ZNF804A: variants seen among roughly 807,000 people sequenced by gnomAD.
ZNF804A encodes zinc finger protein 804A.
A neutral mutation model predicts 16.5 loss-of-function variants in ZNF804A; 2 were observed. That is an observed-to-expected ratio of 0.12 (90% CI 0.05 to 0.38). The LOEUF (loss-of-function observed/expected upper bound fraction) is 0.38. Among genes scored for constraint, ZNF804A ranks in the 10% least tolerant of loss-of-function variants. The pLI, the probability that ZNF804A is intolerant of heterozygous loss-of-function variation, is 0.99. For missense variants in ZNF804A, 1,473 were observed against 1,390.7 expected (o/e 1.06, Z -0.94); for synonymous variants, 534 against 489.6 (o/e 1.09, Z -1.20).
At chr2:184,711,978 T>C (rs1278133164) in intron 1 of ZNF804A, among the ~76,000 whole-genome samples, 1 of 151,764 alleles carries the variant, frequency 6.6e-6, no homozygotes, top group Admixed American at 6.6e-5. Context: ...AATATTAGTA[T>C]AATTATAATC....
chr2:184,896,062 T>C (rs1023505452), intron 2 of ZNF804A, among the ~76,000 whole-genome samples: 1 of 152,164 alleles, frequency 6.6e-6, no homozygotes, highest in African/African-American at 2.4e-5. Flanking sequence ...CATTGTGTAA[T>C]GTTATTTGCC....
At chr2:184,890,171 A>T (rs1386934553) in intron 2 of ZNF804A, among the ~76,000 whole-genome samples, 1 of 149,620 alleles carries the variant, frequency 6.7e-6, no homozygotes, top group Non-Finnish European at 1.5e-5. Flanking sequence ...TCCTCCACAC[A>T]AGGTTAAAAA....
intron 1 of ZNF804A, among the ~76,000 whole-genome samples, chr2:184,632,650 T>A (rs950784348): frequency 1.3e-5 from 2 of 152,224 alleles, no homozygotes; most frequent in African/African-American, 2.4e-5. Flanking sequence ...AAAGCTGAGA[T>A]TACAGGCGTA....
At chr2:184,845,209 CTTG>C (rs1239963436) in intron 1 of ZNF804A, among the ~76,000 whole-genome samples, 1 of 151,780 alleles carries the variant, frequency 6.6e-6, no homozygotes, top group African/African-American at 2.4e-5. Flanking sequence ...ATGTCTGAGC[CTTG>C]TTATGATGTT....
chr2:184,800,423 C>A (rs1694705714), intron 1 of ZNF804A, among the ~76,000 whole-genome samples: 1 of 151,542 alleles, frequency 6.6e-6, no homozygotes, highest in South Asian at 2.1e-4. Flanking sequence ...TATATACATT[C>A]AATACTATAT....
At chr2:184,634,983 A>G (rs553991449) in intron 1 of ZNF804A, among the ~76,000 whole-genome samples, 2 of 152,310 alleles carry the variant, frequency 1.3e-5, no homozygotes, top group South Asian at 2.1e-4. Flanking sequence ...TAAAAGCTGT[A>G]TAAACACATG....
At position 184,611,364 on chromosome 2, in the gene ZNF804A, T is replaced by C. The variant is rs1436417546; in HGVS notation, c.111+12294T>C. On this transcript the variant is annotated intron_variant, in intron 1 of 3. Transcript: ENST00000302277. ...TGTTTACCCATACCCCAAGAATGTA[T>C]AGAATCTTAAATATGTGCTGAGCCC... Among the ~76,000 whole-genome samples the C allele has an allele frequency of 3.3e-5, 5 of 152,226 alleles. No individual in the cohort carries two copies. The South Asian group carries it at 1.0e-3, about 32-fold the overall frequency.
chr2:184,703,686 G>C (rs7583712), intron 1 of ZNF804A, among the ~76,000 whole-genome samples: 1 of 35,858 alleles, frequency 2.8e-5, no homozygotes, highest in African/African-American at 1.4e-4. Context: ...CAAGACTCCG[G>C]TTCAAAAAAA....
chr2:184,674,746 C>G (rs1692393665), intron 1 of ZNF804A, among the ~76,000 whole-genome samples: 2 of 151,232 alleles, frequency 1.3e-5, no homozygotes. Context: ...GACCAGAATA[C>G]AGGAATACAG....
At chr2:184,815,066 G>A (rs771859659) in intron 1 of ZNF804A, among the ~76,000 whole-genome samples, 33 of 151,894 alleles carry the variant, frequency 2.2e-4, no homozygotes, top group Admixed American at 5.3e-4. Context: ...TAGAAATAAC[G>A]TAAAACGTAC....
intron 1 of ZNF804A, among the ~76,000 whole-genome samples, chr2:184,744,641 T>G (rs1000296514): frequency 6.6e-6 from 1 of 151,986 alleles, no homozygotes; most frequent in South Asian, 2.1e-4. Context: ...ACCCATTTTA[T>G]AGTGTTTTGT....
At chr2:184,893,592 A>G (rs1245802316) in intron 2 of ZNF804A, among the ~76,000 whole-genome samples, 3 of 152,164 alleles carry the variant, frequency 2.0e-5, no homozygotes, top group African/African-American at 4.8e-5. Flanking sequence ...AGATAAGAAA[A>G]TAAAGATATT....
intron 1 of ZNF804A, among the ~76,000 whole-genome samples, chr2:184,674,697 T>TTTCAACTTAAAA (rs1014621919): frequency 9.9e-5 from 15 of 151,736 alleles, no homozygotes; most frequent in African/African-American, 3.1e-4. Context: ...AAAAAGAATG[T>TTTCAACTTAAAA]TGATTCAACT....
Position 184,910,041 on chromosome 2 carries a change from T to C in ZNF804A, c.256-23562T>C, listed in dbSNP as rs551350718. 3.3e-5 allele frequency among the ~76,000 whole-genome samples: 5 copies of C among 152,148 alleles called. No homozygotes were observed. In the East Asian group the frequency reaches 9.6e-4, roughly 29 times the overall value. Reference sequence around the variant, plus strand: ...GATTCAGGGGGTAGATGTATTTAGATTTGTTACATGTATATATTGTTTGAT... The same window carrying C: ...GATTCAGGGGGTAGATGTATTTAGACTTGTTACATGTATATATTGTTTGAT... On this transcript the variant is annotated intron_variant, in intron 2 of 3. Coordinates refer to ENST00000302277, the MANE Select transcript of ZNF804A (RefSeq NM_194250.2).
chr2:184,832,186 G>A (rs1695272821), intron 1 of ZNF804A, among the ~76,000 whole-genome samples: 1 of 151,894 alleles, frequency 6.6e-6, no homozygotes, highest in Non-Finnish European at 1.5e-5. Flanking sequence ...AGCTATCGAA[G>A]GCCTGTAACA....
chr2:184,783,556 C>CT (rs1429702600), intron 1 of ZNF804A, among the ~76,000 whole-genome samples: 1 of 151,862 alleles, frequency 6.6e-6, no homozygotes, highest in Non-Finnish European at 1.5e-5. Flanking sequence ...AAATGAGTCT[C>CT]TTTCTGTCTC....
At chr2:184,841,439 A>G (rs902607813) in intron 1 of ZNF804A, among the ~76,000 whole-genome samples, 1 of 152,146 alleles carries the variant, frequency 6.6e-6, no homozygotes, top group Non-Finnish European at 1.5e-5. Flanking sequence ...TAGTGTTTCC[A>G]TTATCTAATT....
intron 1 of ZNF804A, among the ~76,000 whole-genome samples, chr2:184,808,881 A>T (rs1694850863): frequency 6.6e-6 from 1 of 151,800 alleles, no homozygotes; most frequent in Non-Finnish European, 1.5e-5. Flanking sequence ...TTGTTAACCC[A>T]GTCCATTGTA....
At chr2:184,727,424 G>A (rs34202603) in intron 1 of ZNF804A, among the ~76,000 whole-genome samples, 7,938 of 151,598 alleles carry the variant, frequency 0.052, 258 homozygotes, top group Middle Eastern at 0.079. Flanking sequence ...CTTCCTGCAG[G>A]AATGAAATGG....
Sources: allele counts gnomAD v4.1 joint callset (sites outside exome capture counted in the v4.1 genomes callset), GRCh38; gene constraint gnomAD v4.1.1; transcripts MANE v1.5; gene names NCBI Gene and HGNC (gene_info 2026-07-23, HGNC 2026-07-21).